SRBD1: variants seen among roughly 807,000 people sequenced by gnomAD.
The protein encoded by SRBD1 is S1 RNA-binding domain-containing protein 1.
SRBD1 carries 88 observed loss-of-function variants against 115.3 expected under a neutral mutation model. The ratio of observed to expected loss-of-function variants is 0.76; its 90% CI spans 0.64 to 0.91. SRBD1 has a LOEUF of 0.91. SRBD1 is among the 40% of genes least tolerant of loss of function. The pLI is 0.00. For missense variants in SRBD1, 1,385 were observed against 1,177.4 expected (o/e 1.18, Z -2.58); for synonymous variants, 509 against 407.7 (o/e 1.25, Z -2.99).
At chr2:45,491,544 A>G (rs1210061805) in intron 14 of SRBD1, among the ~76,000 whole-genome samples, 3 of 152,192 alleles carry the variant, frequency 2.0e-5, no homozygotes, top group Admixed American at 6.5e-5. Context: ...ACCTAAACCA[A>G]TACATTAGTA....
At chr2:45,462,694 C>T (rs908340952) in intron 16 of SRBD1, among the ~76,000 whole-genome samples, 5 of 150,534 alleles carry the variant, frequency 3.3e-5, no homozygotes, top group South Asian at 2.1e-4. Flanking sequence ...GGCGTGGTGT[C>T]GGGCACCTGT....
chr2:45,433,681 T>C (rs1470459549), intron 16 of SRBD1, among the ~76,000 whole-genome samples: 2 of 152,202 alleles, frequency 1.3e-5, no homozygotes, highest in Non-Finnish European at 2.9e-5. Flanking sequence ...CAAGAGGTCT[T>C]TATATACTCC....
chr2:45,474,053 G>C (rs569869486), intron 16 of SRBD1, among the ~76,000 whole-genome samples: 4 of 152,228 alleles, frequency 2.6e-5, no homozygotes, highest in African/African-American at 9.6e-5. Context: ...ACTCTATTTA[G>C]TCCAATTATG....
At chr2:45,444,995 C>G (rs1484775456) in intron 16 of SRBD1, among the ~76,000 whole-genome samples, 1 of 152,174 alleles carries the variant, frequency 6.6e-6, no homozygotes, top group Non-Finnish European at 1.5e-5. Flanking sequence ...CAAATTTGCT[C>G]TCCATTTTAG....
chr2:45,493,494 T>C (rs1481044606), intron 14 of SRBD1, among the ~76,000 whole-genome samples: 1 of 152,168 alleles, frequency 6.6e-6, no homozygotes, highest in Non-Finnish European at 1.5e-5. Flanking sequence ...GATTCTCAAA[T>C]GAGCAATATC....
At chr2:45,398,057 CAG>C in intron 19 of SRBD1, among the ~76,000 whole-genome samples, 1 of 152,272 alleles carries the variant, frequency 6.6e-6, no homozygotes, top group East Asian at 1.9e-4. Flanking sequence ...CAGAAGCTAA[CAG>C]ATATCTAGTG....
intron 19 of SRBD1, among the ~76,000 whole-genome samples, chr2:45,394,134 A>G (rs1027991431): frequency 6.6e-6 from 1 of 152,214 alleles, no homozygotes; most frequent in Non-Finnish European, 1.5e-5. Flanking sequence ...TATTATCTTT[A>G]TATTCTTTAT....
Position 45,584,360 on chromosome 2 carries a change from T to A in SRBD1, c.815+1248A>T, listed in dbSNP as rs548298341. ...CTAGCCTGGCTCTGGAACATTTGCA[T>A]CTGAGACTATTTGATTTAGTCATTT... On this transcript the variant is annotated intron_variant, in intron 5 of 20. Coordinates refer to ENST00000263736, the MANE Select transcript of SRBD1 (RefSeq NM_018079.5). Among the ~76,000 whole-genome samples the A allele has an allele frequency of 7.9e-5, 12 of 152,348 alleles. No homozygotes were observed. In the South Asian group the frequency reaches 2.3e-3, roughly 29 times the overall value.
At chr2:45,546,709 A>C in intron 14 of SRBD1, 23 bp downstream of exon 14, 1 of 1,605,434 alleles carries the variant, frequency 6.2e-7, no homozygotes, top group Non-Finnish European at 8.5e-7. Context: ...CTCCAAGAAA[A>C]GAGATATATG....
Position 45,389,455 on chromosome 2 carries a change from A to G in SRBD1, c.2843T>C (p.Ile948Thr). 5.0e-6 allele frequency: 8 copies of G among 1,614,060 alleles called. No homozygotes were observed. Among genetic ancestry groups the G allele is most frequent in the African/African-American group, 1.3e-5 (1 of 75,042 alleles). The change falls in exon 21 of 21, where the codon ATA (isoleucine) becomes ACA (threonine). Residue 948 changes from isoleucine (I) to threonine (T), a missense_variant. Ile to Thr is a moderately conservative substitution (Grantham distance 89). Transcript: ENST00000263736. ...IGVGKSGLIP[I>T]RNVTEAKLSK... ...AAGTTTTGCTTCTGTTACATTTCGTATGGGAATCAGCCCAGATTTCCCCAC... is the reference window on the plus strand; with the variant it reads ...AAGTTTTGCTTCTGTTACATTTCGTGTGGGAATCAGCCCAGATTTCCCCAC...
intron 9 of SRBD1, among the ~76,000 whole-genome samples, chr2:45,565,980 T>A (rs12622225): frequency 6.6e-6 from 1 of 152,156 alleles, no homozygotes; most frequent in Admixed American, 6.5e-5. Context: ...TCAAAAATTA[T>A]ATACAAATGA....
intron 1 of SRBD1, 139 bp downstream of exon 1, chr2:45,611,080 A>G (rs1674435747): frequency 6.6e-6 from 1 of 152,086 alleles, no homozygotes; most frequent in African/African-American, 2.4e-5. Flanking sequence ...AATGTAATGA[A>G]CTTCTCACTT....
chr2:45,526,377 TAAG>T (rs1346605579), intron 14 of SRBD1, among the ~76,000 whole-genome samples: 3 of 151,940 alleles, frequency 2.0e-5, no homozygotes, highest in Admixed American at 6.6e-5. Context: ...ACTCCATTCA[TAAG>T]AAATATTCAG....
intron 16 of SRBD1, among the ~76,000 whole-genome samples, chr2:45,457,842 A>T (rs1669200480): frequency 6.6e-6 from 1 of 151,998 alleles, no homozygotes; most frequent in South Asian, 2.1e-4. Context: ...TTAGAAAAAA[A>T]TGTAGGTGTA....
chr2:45,472,588 A>G (rs941989920), intron 16 of SRBD1, among the ~76,000 whole-genome samples: 1 of 152,110 alleles, frequency 6.6e-6, no homozygotes, highest in East Asian at 1.9e-4. Context: ...GGCTCAAATG[A>G]TCTCCTGCCT....
At chr2:45,410,222 A>G (rs1444740202) in intron 19 of SRBD1, among the ~76,000 whole-genome samples, 2 of 152,210 alleles carry the variant, frequency 1.3e-5, no homozygotes, top group African/African-American at 4.8e-5. Flanking sequence ...AGAATGGCTA[A>G]AAACAACCAT....
chr2:45,405,938 G>A (rs1667424219), intron 19 of SRBD1, among the ~76,000 whole-genome samples: 1 of 152,074 alleles, frequency 6.6e-6, no homozygotes, highest in Non-Finnish European at 1.5e-5. Flanking sequence ...ATAAAAGGTG[G>A]CCACAGCTTC....
chr2:45,449,467 T>TA (rs1460127618), intron 16 of SRBD1, among the ~76,000 whole-genome samples: 1 of 152,216 alleles, frequency 6.6e-6, no homozygotes, highest in Non-Finnish European at 1.5e-5. Flanking sequence ...GAAATCGCCA[T>TA]ATGACTTCAA....
At chr2:45,570,916 A>G (rs2104138365) in intron 9 of SRBD1, among the ~76,000 whole-genome samples, 1 of 152,318 alleles carries the variant, frequency 6.6e-6, no homozygotes, top group Middle Eastern at 3.4e-3. Context: ...AAAGTACTTA[A>G]AGGCAAATAT....
Sources: allele counts gnomAD v4.1 joint callset (sites outside exome capture counted in the v4.1 genomes callset), GRCh38; gene constraint gnomAD v4.1.1; transcripts MANE v1.5; gene names NCBI Gene and HGNC (gene_info 2026-07-23, HGNC 2026-07-21).